GPAM: variants seen among roughly 807,000 people sequenced by gnomAD.
GPAM encodes the protein glycerol-3-phosphate acyltransferase 1, mitochondrial.
GPAM carries 56 observed loss-of-function variants against 105.0 expected under a neutral mutation model. The observed-to-expected ratio is 0.53, with a 90% CI of 0.43 to 0.67. GPAM has a LOEUF of 0.67. Ranked by LOEUF, GPAM falls within the 30% of genes least tolerant of loss-of-function variation. The probability of loss-of-function intolerance (pLI) is 0.00; values close to 1 mark genes in which losing one functional copy is unlikely to be tolerated. For synonymous variants in GPAM, 368 were observed against 354.4 expected, an observed-to-expected ratio of 1.04 and a Z score of -0.43; for missense variants, 855 against 989.8, an observed-to-expected ratio of 0.86 and a Z score of 1.83.
chr10:112,163,259 T>C (rs1389627078), intron 14 of GPAM, among the ~76,000 whole-genome samples: 1 of 152,208 alleles, frequency 6.6e-6, no homozygotes, highest in Admixed American at 6.5e-5. Context: ...CCATTAATTA[T>C]TCATTTTGTA....
upstream of GPAM, among the ~76,000 whole-genome samples, chr10:112,215,755 G>C (rs549802751): frequency 2.0e-5 from 3 of 152,206 alleles, no homozygotes; most frequent in Non-Finnish European, 4.4e-5. Flanking sequence ...GGGGCTGAGC[G>C]GGGCTGGGGT....
At chr10:112,161,115 C>T (rs1002385908) in intron 15 of GPAM, among the ~76,000 whole-genome samples, 1 of 152,164 alleles carries the variant, frequency 6.6e-6, no homozygotes, top group Admixed American at 6.5e-5. Context: ...GATATGCACA[C>T]ATAAGATCAC....
rs955586917 is a variant in GPAM, at chr10:112,150,294, C to A, written c.*3256G>T. 43 of 985,068 alleles carry A rather than the reference C, an allele frequency of 4.4e-5. No homozygotes were observed. The highest frequency in any genetic ancestry group is 5.2e-5 in the Non-Finnish European group (43 of 829,452). The allele number at this position is 985,068 out of a possible 1,614,324, so 61.0% of individuals were successfully genotyped here. Reference sequence around the variant, plus strand: ...GGATAAAAATCTGCATTCAAACGTACAATACTTTCTTCTAGATCTGAATTA... The same window carrying A: ...GGATAAAAATCTGCATTCAAACGTAAAATACTTTCTTCTAGATCTGAATTA... On this transcript the variant is annotated 3_prime_UTR_variant, in exon 22 of 22. Transcript: ENST00000348367.
chr10:112,181,845 A>G (rs963447332), intron 2 of GPAM, 32 bp from the exon 3 acceptor site: 18 of 926,954 alleles, frequency 1.9e-5, no homozygotes, highest in Admixed American at 3.4e-5. Flanking sequence ...TAAATTAACA[A>G]GGAATCGAGA....
At chr10:112,159,765 G>T in intron 17 of GPAM, 146 bp downstream of exon 17, 1 of 780,826 alleles carries the variant, frequency 1.3e-6, no homozygotes, top group Non-Finnish European at 2.2e-6. Flanking sequence ...ATGACATATT[G>T]GTTTGGTGGT....
Position 112,152,749 on chromosome 10 carries a change from A to G in GPAM, c.*801T>C, listed in dbSNP as rs911994924. On this transcript the variant is annotated 3_prime_UTR_variant, in exon 22 of 22. Transcript: ENST00000348367. ...ACAGACATAAAACAGGAAGGGTTCT[A>G]AATATATTTGCTGGTCATTTGAAAC... 7.5e-6 allele frequency: 7 copies of G among 937,902 alleles called. No homozygotes were observed. The African/African-American group carries it at 1.2e-4, about 17-fold the overall frequency. The allele number at this position is 937,902 out of a possible 1,614,324, so 58.1% of individuals were successfully genotyped here. A position where few individuals can be genotyped will look rare whatever the true frequency, so the allele number is the denominator to read the frequency against.
At chr10:112,222,657 T>A in the GPAM span, among the ~76,000 whole-genome samples, 1 of 152,194 alleles carries the variant, frequency 6.6e-6, no homozygotes, top group African/African-American at 2.4e-5. Context: ...TTGTTCCTGA[T>A]AACTTCAGGC....
intron 14 of GPAM, among the ~76,000 whole-genome samples, chr10:112,162,894 G>C (rs959406122): frequency 6.6e-6 from 1 of 152,064 alleles, no homozygotes; most frequent in African/African-American, 2.4e-5. Context: ...AAATGTGCTT[G>C]AGAAAGAATC....
chr10:112,151,434 C>T lies in GPAM; in HGVS notation c.*2116G>A. On this transcript the variant is annotated 3_prime_UTR_variant, in exon 22 of 22. Transcript: ENST00000348367. ...CATAACTTTGGTTGAGATTTTTCTC[C>T]CTTAAAAAAGATTTTCAAAGCACCA... 1 of 985,504 alleles carries T rather than the reference C, an allele frequency of 1.0e-6. No homozygotes were observed. Among genetic ancestry groups the T allele is most frequent in the Non-Finnish European group, 1.2e-6 (1 of 829,776 alleles). The allele number at this position is 985,504 out of a possible 1,614,324, so 61.0% of individuals were successfully genotyped here.
chr10:112,165,855 T>C (rs1427834876), intron 12 of GPAM, among the ~76,000 whole-genome samples: 1 of 152,220 alleles, frequency 6.6e-6, no homozygotes, highest in African/African-American at 2.4e-5. Context: ...TTCATCCATC[T>C]CAAAATTTTT....
chr10:112,224,500 T>C, the GPAM span, among the ~76,000 whole-genome samples: 2 of 152,304 alleles, frequency 1.3e-5, no homozygotes, highest in African/African-American at 4.8e-5. Flanking sequence ...ACACAGGTGC[T>C]GAGAGAGAGT....
rs1280465993 is a variant in GPAM, at chr10:112,151,756, T to G, written c.*1794A>C. On this transcript the variant is annotated 3_prime_UTR_variant, in exon 22 of 22. Coordinates refer to ENST00000348367, the MANE Select transcript of GPAM (RefSeq NM_001244949.2). ...AATTTAAAGGATGAAAAAAAGAGAC[T>G]AGTGAAATGTTTGCTTCCCCAGATA... The G allele has an allele frequency of 2.0e-6, 2 of 984,788 alleles. No homozygotes were observed. Among genetic ancestry groups the G allele is most frequent in the African/African-American group, 1.7e-5 (1 of 57,178 alleles). The allele number at this position is 984,788 out of a possible 1,614,324, so 61.0% of individuals were successfully genotyped here.
intron 1 of GPAM, among the ~76,000 whole-genome samples, chr10:112,214,037 A>C (rs2133310173): frequency 6.6e-6 from 1 of 152,264 alleles, no homozygotes; most frequent in South Asian, 2.1e-4. Context: ...TAATCTCAGG[A>C]AATCCCACGG....
chr10:112,188,993 C>A (rs189411901), intron 1 of GPAM, among the ~76,000 whole-genome samples: 12 of 152,286 alleles, frequency 7.9e-5, no homozygotes, highest in Admixed American at 7.2e-4. Context: ...TCAGACTGAT[C>A]CAGATTCGTT....
chr10:112,179,612 T>C (rs1385170001), intron 4 of GPAM, among the ~76,000 whole-genome samples: 1 of 152,204 alleles, frequency 6.6e-6, no homozygotes, highest in Non-Finnish European at 1.5e-5. Context: ...AACCCCTTTA[T>C]ACCAGACTCA....
Position 112,153,616 on chromosome 10 carries a change from G to T in GPAM, c.2421C>A (p.Ser807Arg), listed in dbSNP as rs1481296623. The T allele has an allele frequency of 1.2e-6, 2 of 1,613,486 alleles. No homozygotes were observed. Among genetic ancestry groups the T allele is most frequent in the Non-Finnish European group, 1.7e-6 (2 of 1,179,658 alleles). ...QKRVSVLELSSTFLPQCNRQK... is the reference protein window; with the variant it reads ...QKRVSVLELSRTFLPQCNRQK... ...GTCGGTTGCATTGAGGTAGAAAAGT[G>T]CTGCTCAGTTCTAAAACAGACACTC... is the stretch of plus-strand genomic sequence containing the variant. Residue 807 changes from serine to arginine, a missense_variant, in exon 22 of 22, where the codon AGC (serine) becomes AGA (arginine). Physicochemically the swap from Ser to Arg is moderately radical, Grantham distance 110 (BLOSUM62 -1). Coordinates refer to ENST00000348367, the MANE Select transcript of GPAM (RefSeq NM_001244949.2).
At chr10:112,188,914 T>C (rs920384312) in intron 1 of GPAM, among the ~76,000 whole-genome samples, 1 of 152,202 alleles carries the variant, frequency 6.6e-6, no homozygotes, top group African/African-American at 2.4e-5. Flanking sequence ...GCCTTTCTCA[T>C]ACTAAACCTC....
Position 112,173,012 on chromosome 10 carries a change from T to C in GPAM, c.615A>G (p.Gln205=), listed in dbSNP as rs376601186. 56 of 1,609,984 alleles carry C rather than the reference T, an allele frequency of 3.5e-5. 1 individual carries two copies. The African/African-American group carries it at 3.6e-4, about 10-fold the overall frequency. Residue 205 remains glutamine, a synonymous_variant, in exon 8 of 22, where the codon CAA becomes CAG. Coordinates refer to ENST00000348367, the MANE Select transcript of GPAM (RefSeq NM_001244949.2). ...CCATCTCAAGTTGACCTTTGTGAAT[T>C]TGAATGTTCCAAAAGAAGCTGTTGA... ...KLFNSFFWNI[Q]IHKGQLEMVK...
At chr10:112,223,767 T>C in the GPAM span, among the ~76,000 whole-genome samples, 2 of 152,214 alleles carry the variant, frequency 1.3e-5, no homozygotes, top group African/African-American at 2.4e-5. Context: ...TTACAACTAA[T>C]CAACTGTGCC....
Sources: allele counts gnomAD v4.1 joint callset (sites outside exome capture counted in the v4.1 genomes callset), GRCh38; gene constraint gnomAD v4.1.1; transcripts MANE v1.5; gene names NCBI Gene and HGNC (gene_info 2026-07-23, HGNC 2026-07-21).